Variants in GLIS3 observed in about 807,000 individuals in gnomAD.
GLIS3 encodes zinc finger protein GLIS3.
A neutral mutation model predicts 78.6 loss-of-function variants in GLIS3; 53 were observed. The ratio of observed to expected loss-of-function variants is 0.67; its 90% confidence interval spans 0.54 to 0.85. The LOEUF is 0.85. Ranked by LOEUF, GLIS3 falls within the 40% of genes least tolerant of loss-of-function variation. The pLI, the probability that GLIS3 is intolerant of heterozygous loss-of-function variation, is 0.00. For synonymous variants in GLIS3, 684 were observed against 509.9 expected (o/e 1.34, Z -4.60); for missense variants, 1,703 against 1,231.1 (o/e 1.38, Z -5.74).
At chr9:4,058,692 A>G (rs2130538639) in intron 4 of GLIS3, among the ~76,000 whole-genome samples, 1 of 152,250 alleles carries the variant, frequency 6.6e-6, no homozygotes, top group South Asian at 2.1e-4. Context: ...ATTTTGTGTA[A>G]AAGAACCATA....
At chr9:4,487,270 A>T in the GLIS3 span, among the ~76,000 whole-genome samples, 3 of 152,096 alleles carry the variant, frequency 2.0e-5, no homozygotes, top group Admixed American at 6.5e-5. Context: ...GCAGGTGTTA[A>T]AAGATGGTGT....
chr9:4,341,353 A>G (rs1187464375), intron 2 of GLIS3, among the ~76,000 whole-genome samples: 1 of 152,234 alleles, frequency 6.6e-6, no homozygotes, highest in Admixed American at 6.5e-5. Context: ...ATCAGGCAAC[A>G]TCTGACCCTG....
chr9:3,889,229 G>A (rs950404742), intron 7 of GLIS3, among the ~76,000 whole-genome samples: 2 of 152,168 alleles, frequency 1.3e-5, no homozygotes, highest in Non-Finnish European at 2.9e-5. Context: ...TGAGAGCCAC[G>A]TTAGTCAGTG....
the GLIS3 span, among the ~76,000 whole-genome samples, chr9:4,471,093 A>G: frequency 1.3e-5 from 2 of 152,126 alleles, no homozygotes; most frequent in South Asian, 2.1e-4. Context: ...CCACTGCTCA[A>G]CGAAATAAAA....
intron 1 of GLIS3, chr9:4,348,105 A>G (rs528165693): frequency 1.4e-4 from 22 of 152,378 alleles, no homozygotes; most frequent in African/African-American, 5.0e-4. Context: ...TCTTTGAATA[A>G]GTATGTTAAT....
At chr9:3,845,058 AAG>A (rs1270750881) in intron 9 of GLIS3, among the ~76,000 whole-genome samples, 1 of 124,916 alleles carries the variant, frequency 8.0e-6, no homozygotes, top group Non-Finnish European at 1.8e-5. Flanking sequence ...AAACTGTGCA[AAG>A]ATATATATAT....
Position 3,869,266 on chromosome 9 carries a change from GGTGTGTGT to G in GLIS3, c.2297+10153_2297+10160del, listed in dbSNP as rs58818313. 7.4e-3 allele frequency among the ~76,000 whole-genome samples: 1,121 copies of G among 151,242 alleles called. 9 individuals carry two copies. The highest frequency in any genetic ancestry group is 0.012 in the South Asian group (57 of 4,766). The stretch of plus-strand genomic sequence containing the variant: ...AAGAGAGTGAGAAAAAATTATCTAG[GGTGTGTGT>G]GTGTGTGTGTGTGTGTGTGTAAAAG... On this transcript the variant is annotated intron_variant, in intron 8 of 10. Transcript: ENST00000381971.
At chr9:4,311,881 C>A (rs1157746313) in intron 2 of GLIS3, among the ~76,000 whole-genome samples, 1 of 152,140 alleles carries the variant, frequency 6.6e-6, no homozygotes, top group Non-Finnish European at 1.5e-5. Context: ...ATCAAGAAAA[C>A]AGAAAAGATC....
intron 4 of GLIS3, among the ~76,000 whole-genome samples, chr9:4,036,374 A>G (rs538645602): frequency 1.3e-5 from 2 of 152,012 alleles, no homozygotes; most frequent in Admixed American, 1.3e-4. Context: ...GCTCCCCTTA[A>G]TTTCTGTAGA....
chr9:3,898,885 A>G, intron 6 of GLIS3, 50 bp from the exon 7 acceptor site: 1 of 1,611,988 alleles, frequency 6.2e-7, no homozygotes, highest in Non-Finnish European at 8.5e-7. Context: ...CGGTCCTTGG[A>G]ATATTTTCCT....
At chr9:4,239,557 G>A (rs1248663661) in intron 2 of GLIS3, among the ~76,000 whole-genome samples, 1 of 152,118 alleles carries the variant, frequency 6.6e-6, no homozygotes, top group Non-Finnish European at 1.5e-5. Flanking sequence ...TGAGATCTTG[G>A]TATCAAGGTT....
chr9:4,037,065 C>A (rs2130327334), intron 4 of GLIS3, among the ~76,000 whole-genome samples: 1 of 152,296 alleles, frequency 6.6e-6, no homozygotes, highest in South Asian at 2.1e-4. Context: ...TGAAAAAAAT[C>A]ACCCCACTCT....
At chr9:3,842,845 C>T (rs1018986404) in intron 9 of GLIS3, among the ~76,000 whole-genome samples, 12 of 152,240 alleles carry the variant, frequency 7.9e-5, no homozygotes, top group African/African-American at 2.7e-4. Context: ...AACAGAACGG[C>T]TCTAATTTCA....
intron 2 of GLIS3, among the ~76,000 whole-genome samples, chr9:4,329,347 T>C (rs926139254): frequency 1.3e-5 from 2 of 152,242 alleles, no homozygotes; most frequent in Admixed American, 6.5e-5. Flanking sequence ...CGATAATTAA[T>C]GTTTTCATTT....
chr9:4,289,938 C>A (rs1041382450), intron 1 of GLIS3, among the ~76,000 whole-genome samples: 3 of 152,112 alleles, frequency 2.0e-5, no homozygotes, highest in African/African-American at 7.2e-5. Flanking sequence ...AGTAATTCCA[C>A]TAGTTTTTCT....
At chr9:3,921,085 G>A (rs746330533) in intron 6 of GLIS3, among the ~76,000 whole-genome samples, 1 of 152,174 alleles carries the variant, frequency 6.6e-6, no homozygotes, top group African/African-American at 2.4e-5. Flanking sequence ...GCAAATTGGA[G>A]CTCAAGTTTT....
chr9:4,342,845 G>T (rs2094786), intron 2 of GLIS3, among the ~76,000 whole-genome samples: 149,903 of 152,148 alleles, frequency 0.99, 73,880 homozygotes, highest in Middle Eastern at 1. Context: ...ATTTTATTTT[G>T]TGTGTGTGGC....
At chr9:4,314,924 C>T (rs1449314250) in intron 2 of GLIS3, among the ~76,000 whole-genome samples, 1 of 152,194 alleles carries the variant, frequency 6.6e-6, no homozygotes. Flanking sequence ...TGCTGGAACT[C>T]TCAGGGATTC....
intron 2 of GLIS3, among the ~76,000 whole-genome samples, chr9:4,248,990 A>G (rs571264068): frequency 6.6e-6 from 1 of 151,996 alleles, no homozygotes; most frequent in Non-Finnish European, 1.5e-5. Context: ...TAGTCTATAT[A>G]TCTATTTTGG....
Sources: allele counts gnomAD v4.1 joint callset (sites outside exome capture counted in the v4.1 genomes callset), GRCh38; gene constraint gnomAD v4.1.1; transcripts MANE v1.5; gene names NCBI Gene and HGNC (gene_info 2026-07-23, HGNC 2026-07-21).